TMPRSS13: variants seen among roughly 807,000 people sequenced by gnomAD.
TMPRSS13 encodes the protein transmembrane protease serine 13.
TMPRSS13 carries 50 observed loss-of-function variants against 68.4 expected under a neutral mutation model. That is an observed-to-expected ratio of 0.73 (90% CI 0.58 to 0.93). The LOEUF is 0.93. Ranked by LOEUF, TMPRSS13 falls within the 40% of genes least tolerant of loss-of-function variation. TMPRSS13 has a pLI of 0.00. For missense variants in TMPRSS13, 615 were observed against 729.2 expected, an observed-to-expected ratio of 0.84 and a Z score of 1.80; for synonymous variants, 267 against 285.8, an observed-to-expected ratio of 0.93 and a Z score of 0.66.
intron 8 of TMPRSS13, 77 bp from the exon 9 acceptor site, chr11:117,908,861 G>A (rs2057491606): frequency 2.9e-6 from 4 of 1,402,112 alleles, no homozygotes; most frequent in Non-Finnish European, 3.8e-6. Flanking sequence ...CCTACAGGGA[G>A]CCACAGTCAG....
chr11:117,909,985 G>A lies in TMPRSS13; in HGVS notation c.947-17C>T, dbSNP rs1401186831. 6.2e-7 allele frequency: 1 copy of A among 1,608,990 alleles called. No individual in the cohort carries two copies. Among genetic ancestry groups the A allele is most frequent in the Non-Finnish European group, 8.5e-7 (1 of 1,175,806 alleles). ...GTCCGCAGTCTGGAGGGAAGGAGTA[G>A]ACGTACTGTGAACCCTGTTTCTCCC... On this transcript the variant is annotated splice_polypyrimidine_tract_variant and intron_variant, in intron 7 of 12. Transcript: ENST00000524993.
At chr11:117,904,654 T>C (rs1450018595) in intron 10 of TMPRSS13, among the ~76,000 whole-genome samples, 2 of 151,766 alleles carry the variant, frequency 1.3e-5, no homozygotes, top group Non-Finnish European at 2.9e-5. Context: ...AGTCTAACCA[T>C]GGGGTCATCC....
At chr11:117,908,897 G>T in intron 8 of TMPRSS13, 113 bp from the exon 9 acceptor site, 1 of 1,064,726 alleles carries the variant, frequency 9.4e-7, no homozygotes, top group Non-Finnish European at 1.3e-6. Context: ...GCAGGAGGAT[G>T]GATAAAATGA....
rs138751724 is a variant in TMPRSS13 at position 117,918,788 on chromosome 11, T to C, written c.72A>G (p.Ala24=). ...TPSAGASPAQ[A]SPAGTPPGRA... ...GGCCTGGAGGTGTCCCAGCTGGAGATGCCTGGGCTGGAGATGCTCCAGCTG... is the reference window on the plus strand; with the variant it reads ...GGCCTGGAGGTGTCCCAGCTGGAGACGCCTGGGCTGGAGATGCTCCAGCTG... The change falls in exon 2 of 13, where the codon GCA becomes GCG. Residue 24 remains alanine, a synonymous_variant. Transcript: ENST00000524993. The C allele has an allele frequency of 1.6e-3, 2,504 of 1,613,608 alleles. 41 individuals are homozygous for C. In the African/African-American group the frequency reaches 0.03, roughly 19 times the overall value.
At chr11:117,923,001 A>T (rs1192340434) in intron 1 of TMPRSS13, among the ~76,000 whole-genome samples, 1 of 151,518 alleles carries the variant, frequency 6.6e-6, no homozygotes, top group Non-Finnish European at 1.5e-5. Flanking sequence ...GCAGGAAGGC[A>T]GGGCAGGGGT....
At chr11:117,918,864 A>G (rs2057613500) in intron 1 of TMPRSS13, 26 bp from the exon 2 acceptor site, 1 of 1,610,122 alleles carries the variant, frequency 6.2e-7, no homozygotes. Flanking sequence ...AGAGTATCCC[A>G]CAGGCTGCTC....
In TMPRSS13 at chr11:117,915,193, CA is replaced by C. The variant is rs1565350118; in HGVS notation, c.557-680del. Among the ~76,000 whole-genome samples the C allele has an allele frequency of 6.6e-6, 1 of 152,196 alleles. No individual in the cohort carries two copies. The highest frequency in any genetic ancestry group is 2.4e-5 in the African/African-American group (1 of 41,434). ...AAAACAGCTTTACAAGCCATATGTG[CA>C]AATCTGCTTCACGACTTCCTCCCTC... is the stretch of plus-strand genomic sequence containing the variant. On this transcript the variant is annotated intron_variant, in intron 3 of 12. Transcript: ENST00000524993. This position sits in a 1 kb window ranked among gnomAD's most constrained non-coding sequence, Gnocchi z 4.9.
intron 10 of TMPRSS13, among the ~76,000 whole-genome samples, chr11:117,905,158 G>A (rs2057451218): frequency 6.6e-6 from 1 of 151,654 alleles, no homozygotes; most frequent in South Asian, 2.1e-4. Flanking sequence ...GCCTCCCAAA[G>A]TGCTGGGACT....
In TMPRSS13 at chr11:117,909,608, G is replaced by A. The variant is rs538124298; in HGVS notation, c.1109+198C>T. ...GTCAATGGGACTTTCTCATCCTTGGGCCTAGCTCGGAACAAACACCCCCGA... is the reference window on the plus strand; with the variant it reads ...GTCAATGGGACTTTCTCATCCTTGGACCTAGCTCGGAACAAACACCCCCGA... On this transcript the variant is annotated intron_variant, in intron 8 of 12. Coordinates refer to ENST00000524993, the MANE Select transcript of TMPRSS13 (RefSeq NM_001077263.3). 3.3e-4 allele frequency among the ~76,000 whole-genome samples: 50 copies of A among 152,268 alleles called. 1 individual carries two copies. In the South Asian group the frequency reaches 9.5e-3, roughly 29 times the overall value.
chr11:117,904,861 TTATATATATATATA>T lies in TMPRSS13; in HGVS notation c.1381+763_1382-761del, dbSNP rs58001868. 2.1e-3 allele frequency among the ~76,000 whole-genome samples: 213 copies of T among 100,716 alleles called. 1 individual carries two copies. Among genetic ancestry groups the T allele is most frequent in the Non-Finnish European group, 2.8e-3 (126 of 45,392 alleles). 66.1% of individuals were successfully genotyped at this position (100,716 alleles called of 152,430 possible). ...TACCACTTAGAGCTCCTAGATAAGA[TTATATATATATATA>T]TATATATATATATATATATATATAT... On this transcript the variant is annotated intron_variant, in intron 10 of 12. Coordinates refer to ENST00000524993, the MANE Select transcript of TMPRSS13 (RefSeq NM_001077263.3).
In TMPRSS13 at chr11:117,902,074, A is replaced by G. The variant is rs1025119689; in HGVS notation, c.*165T>C. 1.6e-3 allele frequency: 118 copies of G among 75,800 alleles called. 2 individuals carry two copies. The highest frequency in any genetic ancestry group is 0.014 in the South Asian group (55 of 3,938). 4.7% of individuals were successfully genotyped at this position (75,800 alleles called of 1,614,324 possible). A position where few individuals can be genotyped will look rare whatever the true frequency, so the allele number is the denominator to read the frequency against. ...GGAGAGTGGCAATGCACACATATGC[A>G]CACACACACACACACACACACACAC... On this transcript the variant is annotated 3_prime_UTR_variant, in exon 13 of 13. Coordinates refer to ENST00000524993, the MANE Select transcript of TMPRSS13 (RefSeq NM_001077263.3).
At chr11:117,921,928 G>A (rs929633439) in intron 1 of TMPRSS13, among the ~76,000 whole-genome samples, 2 of 152,100 alleles carry the variant, frequency 1.3e-5, no homozygotes, top group Non-Finnish European at 2.9e-5. Flanking sequence ...TGAGGTCCCC[G>A]CTCCACCCCC....
At chr11:117,905,437 G>C (rs993595264) in intron 10 of TMPRSS13, among the ~76,000 whole-genome samples, 2 of 152,038 alleles carry the variant, frequency 1.3e-5, no homozygotes, top group Non-Finnish European at 2.9e-5. Flanking sequence ...TGATTGGAGG[G>C]CATTGTCACA....
chr11:117,923,072 G>C (rs2057663568), intron 1 of TMPRSS13, among the ~76,000 whole-genome samples: 1 of 152,070 alleles, frequency 6.6e-6, no homozygotes, highest in Non-Finnish European at 1.5e-5. Context: ...CCTGGCTCTG[G>C]GAGTCTTTCC....
chr11:117,910,642 T>A, intron 7 of TMPRSS13, 65 bp downstream of exon 7: 30 of 1,501,758 alleles, frequency 2.0e-5, no homozygotes, highest in Non-Finnish European at 2.7e-5. Context: ...CTTGGAGGAG[T>A]GCTGCCCCTC....
In TMPRSS13 at chr11:117,908,763, C is replaced by T; in HGVS notation, c.1131G>A (p.Glu377=). The T allele has an allele frequency of 6.2e-7, 1 of 1,607,786 alleles. No individual in the cohort carries two copies. Among genetic ancestry groups the T allele is most frequent in the Non-Finnish European group, 8.5e-7 (1 of 1,177,766 alleles). Reference sequence around the variant, plus strand: ...TGGTGCCCGCGTACACCTTCCAGCCCTCCAGGACCTTCTCCCGGGTCCTGC... The same window carrying T: ...TGGTGCCCGCGTACACCTTCCAGCCTTCCAGGACCTTCTCCCGGGTCCTGC... ...CFFVTREKVL[E]GWKVYAGTSN... Residue 377 remains glutamate (E), a synonymous_variant, in exon 9 of 13, where the codon GAG becomes GAA. Coordinates refer to ENST00000524993, the MANE Select transcript of TMPRSS13 (RefSeq NM_001077263.3).
At chr11:117,924,822 C>T (rs79136224) in intron 1 of TMPRSS13, among the ~76,000 whole-genome samples, 8,110 of 152,248 alleles carry the variant, frequency 0.053, 300 homozygotes, top group East Asian at 0.18. Context: ...CCTCAGCACA[C>T]AGGCATCTTC....
intron 1 of TMPRSS13, among the ~76,000 whole-genome samples, chr11:117,925,464 C>T (rs1397582580): frequency 6.6e-6 from 1 of 152,014 alleles, no homozygotes; most frequent in African/African-American, 2.4e-5. Flanking sequence ...CACTATTGCC[C>T]AGCAAATAAT....
At chr11:117,902,331 G>A (rs998875610) in intron 12 of TMPRSS13, 66 bp from the exon 13 acceptor site, 74 of 1,584,148 alleles carry the variant, frequency 4.7e-5, no homozygotes, top group Non-Finnish European at 5.5e-5. Context: ...AGAAGCCCAA[G>A]GTTGGGGTTC....
Sources: gnomAD v4.1 joint callset for allele counts (sites outside exome capture counted in the v4.1 genomes callset) on GRCh38, gnomAD v4.1.1 for gene constraint, Gnocchi (gnomAD v3.1) non-coding constraint, MANE v1.5 for transcripts, NCBI Gene and HGNC (gene_info 2026-07-23, HGNC 2026-07-21) for gene names.